The following COL19A1 variants were observed in gnomAD, a reference collection of about 807,000 sequenced individuals.
COL19A1 encodes collagen alpha-1(XIX) chain.
A neutral mutation model predicts 190.2 loss-of-function variants in COL19A1; 159 were observed. The observed-to-expected ratio is 0.84, with a 90% CI of 0.73 to 0.95. COL19A1 has a LOEUF of 0.95. Ranked by LOEUF, COL19A1 falls within the 40% of genes least tolerant of loss-of-function variation. The pLI is 0.00. For missense variants in COL19A1, 1,418 were observed against 1,431.9 expected (o/e 0.99, Z 0.16); for synonymous variants, 509 against 458.9 (o/e 1.11, Z -1.39).
chr6:69,994,576 T>C (rs1483980057), intron 11 of COL19A1, among the ~76,000 whole-genome samples: 2 of 152,072 alleles, frequency 1.3e-5, no homozygotes, highest in African/African-American at 4.8e-5. Context: ...ATCAGCAAAA[T>C]GAAATGAAAT....
At chr6:70,074,516 A>AG (rs1554200727) in intron 15 of COL19A1, among the ~76,000 whole-genome samples, 161 of 149,334 alleles carry the variant, frequency 1.1e-3, no homozygotes, top group Non-Finnish European at 1.4e-3. Flanking sequence ...AAAAAAAAAA[A>AG]AGAGAGAGAA....
chr6:70,019,673 C>G (rs1042172963), intron 11 of COL19A1, among the ~76,000 whole-genome samples: 3 of 152,058 alleles, frequency 2.0e-5, no homozygotes, highest in Non-Finnish European at 4.4e-5. Flanking sequence ...TTTTATTAGA[C>G]TAGAATGATT....
At chr6:70,171,604 G>A (rs1205982656) in intron 40 of COL19A1, among the ~76,000 whole-genome samples, 1 of 152,076 alleles carries the variant, frequency 6.6e-6, no homozygotes, top group Non-Finnish European at 1.5e-5. Context: ...TGAAAATCTA[G>A]CAGCACCAGG....
chr6:70,058,259 G>C (rs1162087739), intron 14 of COL19A1, among the ~76,000 whole-genome samples: 1 of 152,034 alleles, frequency 6.6e-6, no homozygotes, highest in Non-Finnish European at 1.5e-5. Context: ...TGTGTCCCAT[G>C]TCTGAAATGA....
intron 2 of COL19A1, chr6:69,889,967 G>GT (rs1369163187): frequency 1.3e-5 from 2 of 152,534 alleles, no homozygotes; most frequent in East Asian, 3.9e-4. Flanking sequence ...TTTAAGAGCT[G>GT]TAACACTTGC....
chr6:69,953,543 G>A (rs1364477255), intron 9 of COL19A1, among the ~76,000 whole-genome samples: 2 of 151,884 alleles, frequency 1.3e-5, no homozygotes, highest in African/African-American at 4.8e-5. Flanking sequence ...ACATAAGAAG[G>A]ACAAAGTAAT....
chr6:70,095,530 G>C (rs1044181875), intron 15 of COL19A1, among the ~76,000 whole-genome samples: 1 of 152,112 alleles, frequency 6.6e-6, no homozygotes, highest in Non-Finnish European at 1.5e-5. Flanking sequence ...CTTTTGAATT[G>C]TGGTAAAAAA....
chr6:69,876,787 A>G (rs932220175), intron 1 of COL19A1, among the ~76,000 whole-genome samples: 2 of 152,218 alleles, frequency 1.3e-5, no homozygotes, highest in Non-Finnish European at 2.9e-5. Context: ...AAATAAAATT[A>G]ATTTCTTTAA....
intron 17 of COL19A1, among the ~76,000 whole-genome samples, chr6:70,122,399 T>A (rs1336963166): frequency 9.9e-6 from 1 of 100,540 alleles, no homozygotes; most frequent in Admixed American, 9.9e-5. Context: ...GGAATTACAT[T>A]CAATTTCCCC....
In COL19A1 at chr6:70,184,885, G is replaced by A; in HGVS notation, c.2826G>A (p.Lys942=). The A allele has an allele frequency of 6.2e-7, 1 of 1,613,324 alleles. No homozygotes were observed. The change falls in exon 46 of 51, where the codon AAG becomes AAA. Residue 942 remains lysine, a synonymous_variant. Transcript: ENST00000620364. ...GIPGAQGIMG[K]PGDRGPKGER... ...CTGTTTTTCAGGGCATCATGGGTAA[G>A]CCTGGAGACAGAGGCCCCAAAGGAG...
chr6:70,121,745 A>T, intron 16 of COL19A1, 135 bp from the exon 17 acceptor site: 1 of 591,522 alleles, frequency 1.7e-6, no homozygotes, highest in South Asian at 2.3e-5. Context: ...TTTCTCTATT[A>T]ATCAGAATAT....
chr6:70,129,220 G>A (rs1238181521), intron 17 of COL19A1, among the ~76,000 whole-genome samples: 1 of 152,194 alleles, frequency 6.6e-6, no homozygotes, highest in African/African-American at 2.4e-5. Context: ...GAAATGGGAG[G>A]AAAGAGAGTA....
chr6:70,180,233 T>G, intron 42 of COL19A1, 79 bp from the exon 43 acceptor site: 6 of 1,510,880 alleles, frequency 4.0e-6, no homozygotes, highest in Non-Finnish European at 5.5e-6. Flanking sequence ...ATAAACTCAA[T>G]TGGGGTTGGG....
At chr6:69,924,476 C>T (rs1039686416) in intron 4 of COL19A1, among the ~76,000 whole-genome samples, 4 of 152,120 alleles carry the variant, frequency 2.6e-5, no homozygotes, top group Non-Finnish European at 5.9e-5. Context: ...TGTATATGTG[C>T]CACATTTTCT....
At chr6:70,164,714 C>T (rs952342851) in intron 36 of COL19A1, among the ~76,000 whole-genome samples, 1 of 152,076 alleles carries the variant, frequency 6.6e-6, no homozygotes, top group Non-Finnish European at 1.5e-5. Context: ...TTTCAGTAGG[C>T]ACATATTTTT....
chr6:70,107,262 G>A (rs1784033151), intron 16 of COL19A1, among the ~76,000 whole-genome samples: 1 of 152,140 alleles, frequency 6.6e-6, no homozygotes, highest in African/African-American at 2.4e-5. Flanking sequence ...CAATGTTTGA[G>A]TTTTCCGTTG....
intron 16 of COL19A1, among the ~76,000 whole-genome samples, chr6:70,110,250 A>G (rs920708142): frequency 6.6e-6 from 1 of 151,850 alleles, no homozygotes; most frequent in Non-Finnish European, 1.5e-5. Context: ...TCCAATTCAA[A>G]TTCTTAACAT....
At position 70,037,922 on chromosome 6, in the gene COL19A1, G is replaced by T. The variant is rs1257149203; in HGVS notation, c.1170+1983G>T. On this transcript the variant is annotated intron_variant, in intron 14 of 50. Transcript: ENST00000620364. Reference sequence around the variant, plus strand: ...AGGAAAAAACACTATGAAATGAAATGTTTTATTTCATAAAGTAAAATATTC... The same window carrying T: ...AGGAAAAAACACTATGAAATGAAATTTTTTATTTCATAAAGTAAAATATTC... Among the ~76,000 whole-genome samples, 5 of 152,054 alleles carry T rather than the reference G, an allele frequency of 3.3e-5. No homozygotes were observed. The East Asian group carries it at 9.6e-4, about 29-fold the overall frequency.
chr6:70,098,000 C>G (rs1293388700), intron 15 of COL19A1, among the ~76,000 whole-genome samples: 1 of 152,124 alleles, frequency 6.6e-6, no homozygotes, highest in East Asian at 1.9e-4. Flanking sequence ...CTAGAGAGAG[C>G]CTTGTAATGA....
Sources: gnomAD v4.1 joint callset for allele counts (sites outside exome capture counted in the v4.1 genomes callset) on GRCh38, gnomAD v4.1.1 for gene constraint, MANE v1.5 for transcripts, NCBI Gene and HGNC (gene_info 2026-07-23, HGNC 2026-07-21) for gene names.